PCDH15: variants seen among roughly 807,000 people sequenced by gnomAD.
PCDH15 encodes the protein protocadherin related 15.
In PCDH15, 129 loss-of-function variants were observed where a neutral mutation model predicts 178.5. The ratio of observed to expected loss-of-function variants is 0.72; its 90% confidence interval spans 0.63 to 0.84. PCDH15 has a LOEUF of 0.84. Among genes scored for constraint, PCDH15 ranks in the 40% least tolerant of loss-of-function variants. PCDH15 has a pLI of 0.00. For synonymous variants in PCDH15, 800 were observed against 732.0 expected, an observed-to-expected ratio of 1.09 and a Z score of -1.50; for missense variants, 2,230 against 2,099.9, an observed-to-expected ratio of 1.06 and a Z score of -1.21.
intron 15 of PCDH15, among the ~76,000 whole-genome samples, chr10:54,118,589 G>A (rs889397404): frequency 6.6e-6 from 1 of 152,078 alleles, no homozygotes; most frequent in Non-Finnish European, 1.5e-5. Context: ...GAACCCAGGA[G>A]GCAGAACTGG....
At chr10:53,833,854 G>A (rs1395241403) in intron 29 of PCDH15, among the ~76,000 whole-genome samples, 1 of 151,672 alleles carries the variant, frequency 6.6e-6, no homozygotes, top group African/African-American at 2.4e-5. Flanking sequence ...AATTTTCAAT[G>A]GATACACTTC....
chr10:54,648,626 G>T (rs922830919), intron 2 of PCDH15, among the ~76,000 whole-genome samples: 1 of 152,036 alleles, frequency 6.6e-6, no homozygotes, highest in Admixed American at 6.6e-5. Flanking sequence ...GTGGATGAAG[G>T]TATATGGTAT....
At chr10:54,902,805 T>C (rs1432227285) in intron 2 of PCDH15, among the ~76,000 whole-genome samples, 2 of 152,120 alleles carry the variant, frequency 1.3e-5, no homozygotes, top group Non-Finnish European at 2.9e-5. Context: ...ATCTTCTCAT[T>C]AGCTATTTAT....
chr10:54,770,441 C>T (rs1948966002), intron 1 of PCDH15, among the ~76,000 whole-genome samples: 1 of 152,026 alleles, frequency 6.6e-6, no homozygotes, highest in South Asian at 2.1e-4. Flanking sequence ...TATTAAACTC[C>T]AGAGTAAAAT....
intron 2 of PCDH15, among the ~76,000 whole-genome samples, chr10:54,918,043 TTAAG>T (rs1382031241): frequency 6.6e-6 from 1 of 152,038 alleles, no homozygotes; most frequent in Non-Finnish European, 1.5e-5. Flanking sequence ...TCTCCATACT[TTAAG>T]TTTCTCATGA....
intron 1 of PCDH15, among the ~76,000 whole-genome samples, chr10:55,178,958 AT>A (rs1839567114): frequency 6.6e-6 from 1 of 152,076 alleles, no homozygotes; most frequent in Non-Finnish European, 1.5e-5. Context: ...TGGCCACAAC[AT>A]TGTTTTCAGA....
At chr10:54,181,632 C>T (rs570125765) in intron 13 of PCDH15, among the ~76,000 whole-genome samples, 5 of 152,240 alleles carry the variant, frequency 3.3e-5, no homozygotes, top group Admixed American at 6.5e-5. Context: ...ACTATAGATA[C>T]AGATGCCACA....
intron 15 of PCDH15, among the ~76,000 whole-genome samples, chr10:54,106,014 A>T (rs1468054731): frequency 6.6e-6 from 1 of 151,108 alleles, no homozygotes. Context: ...TAAACTAAGC[A>T]AAAGTAACCA....
chr10:53,980,419 C>A (rs979804404), intron 21 of PCDH15, among the ~76,000 whole-genome samples: 4 of 148,988 alleles, frequency 2.7e-5, no homozygotes, highest in African/African-American at 9.9e-5. Flanking sequence ...CATATTTTCA[C>A]GAAAACTTTC....
chr10:55,137,603 A>G (rs1193564847), intron 2 of PCDH15, among the ~76,000 whole-genome samples: 1 of 73,936 alleles, frequency 1.4e-5, no homozygotes, highest in African/African-American at 5.8e-5. Flanking sequence ...AAATTGACAA[A>G]TTTATTCAAT....
At chr10:55,237,220 G>T (rs1705203278) in intron 1 of PCDH15, among the ~76,000 whole-genome samples, 1 of 152,042 alleles carries the variant, frequency 6.6e-6, no homozygotes, top group Admixed American at 6.5e-5. Flanking sequence ...CACTATATTG[G>T]TAGAGCTTTT....
rs191032925 is a variant in PCDH15 at position 55,285,292 on chromosome 10, G to A, written c.-156+34307C>T. On this transcript the variant is annotated intron_variant, in intron 1 of 5. Coordinates refer to the PCDH15 transcript ENST00000458638. ...AGACATAAAATCGATTTTTAAAAATGGTATTCTTCCATAACATTATGAACC... is the reference window on the plus strand; with the variant it reads ...AGACATAAAATCGATTTTTAAAAATAGTATTCTTCCATAACATTATGAACC... Among the ~76,000 whole-genome samples, 398 of 149,756 alleles carry A rather than the reference G, an allele frequency of 2.7e-3. 1 individual carries two copies. The highest frequency in any genetic ancestry group is 9.3e-3 in the African/African-American group (379 of 40,944).
At chr10:53,810,429 T>C (rs2132383570) in intron 37 of PCDH15, 127 bp downstream of exon 37, 1 of 775,438 alleles carries the variant, frequency 1.3e-6, no homozygotes, top group East Asian at 2.7e-5. Flanking sequence ...GTGAAATTTC[T>C]ATGGGAAATA....
Position 54,669,329 on chromosome 10 carries a change from C to A in PCDH15, c.-28-5039G>T, listed in dbSNP as rs994664723. On this transcript the variant is annotated intron_variant, in intron 1 of 37. Coordinates refer to ENST00000644397, the MANE Select transcript of PCDH15 (RefSeq NM_001384140.1). Reference sequence around the variant, plus strand: ...TCCTTCTAGATCATATTATATTTTTCTTTACTAAATATACATATGTATAAG... The same window carrying A: ...TCCTTCTAGATCATATTATATTTTTATTTACTAAATATACATATGTATAAG... 2.6e-5 allele frequency among the ~76,000 whole-genome samples: 4 copies of A among 151,156 alleles called. 1 individual carries two copies. Among genetic ancestry groups the A allele is most frequent in the African/African-American group, 9.7e-5 (4 of 41,172 alleles).
chr10:54,082,813 AAAC>A (rs2094455248), intron 16 of PCDH15, among the ~76,000 whole-genome samples: 1 of 152,154 alleles, frequency 6.6e-6, no homozygotes, highest in Non-Finnish European at 1.5e-5. Flanking sequence ...AAAGTAAAAA[AAAC>A]AACGCATATA....
At chr10:54,416,344 C>T (rs1349817313) in intron 3 of PCDH15, among the ~76,000 whole-genome samples, 1 of 151,982 alleles carries the variant, frequency 6.6e-6, no homozygotes, top group African/African-American at 2.4e-5. Flanking sequence ...TCTCATTGTT[C>T]AACCCCCACT....
In PCDH15 at chr10:54,079,307, C is replaced by T. The variant is rs542895415; in HGVS notation, c.2091+24G>A. ...AGTTGCCTTAATACTATTTTTAAAA[C>T]CCCTTCACAGGGAGCATACTCACCC... On this transcript the variant is annotated intron_variant, in intron 17 of 37. Coordinates refer to ENST00000644397, the MANE Select transcript of PCDH15 (RefSeq NM_001384140.1). 5.4e-5 allele frequency: 87 copies of T among 1,602,970 alleles called. 1 individual carries two copies. In the South Asian group the frequency reaches 8.8e-4, roughly 16 times the overall value.
intron 8 of PCDH15, among the ~76,000 whole-genome samples, chr10:54,255,154 C>CA (rs1039478287): frequency 6.6e-6 from 1 of 152,000 alleles, no homozygotes; most frequent in African/African-American, 2.4e-5. Flanking sequence ...TTTTTATGTA[C>CA]AAAAAAGATG....
chr10:54,662,449 A>G (rs1393045072), intron 2 of PCDH15, among the ~76,000 whole-genome samples: 1 of 152,000 alleles, frequency 6.6e-6, no homozygotes, highest in Non-Finnish European at 1.5e-5. Flanking sequence ...AGTATAGTAC[A>G]TTAAAGTCAG....
Sources: allele counts gnomAD v4.1 joint callset (sites outside exome capture counted in the v4.1 genomes callset), GRCh38; gene constraint gnomAD v4.1.1; transcripts MANE v1.5; gene names NCBI Gene and HGNC (gene_info 2026-07-23, HGNC 2026-07-21).